The following GOLGA6L9 variants were observed in gnomAD, a reference collection of about 807,000 sequenced individuals.
GOLGA6L9 encodes golgin subfamily A member 6-like protein 9.
GOLGA6L9 carries 19 observed loss-of-function variants against 51.3 expected under a neutral mutation model. The observed-to-expected ratio is 0.37, with a 90% confidence interval of 0.26 to 0.54. The LOEUF (loss-of-function observed/expected upper bound fraction) is 0.54. Ranked by LOEUF, GOLGA6L9 falls within the 20% of genes least tolerant of loss-of-function variation. The probability of loss-of-function intolerance (pLI) is 0.83; values close to 1 mark genes in which losing one functional copy is unlikely to be tolerated. For missense variants in GOLGA6L9, 247 were observed against 464.1 expected, an observed-to-expected ratio of 0.53 and a Z score of 4.30; for synonymous variants, 97 against 184.2, an observed-to-expected ratio of 0.53 and a Z score of 3.83.
At chr15:82,431,712 AGTT>A (rs1364499898) in intron 1 of GOLGA6L9, 115 bp from the exon 2 acceptor site, 194 of 1,189,212 alleles carry the variant, frequency 1.6e-4, no homozygotes, top group Non-Finnish European at 2.1e-4. Flanking sequence ...CACCTTGTAC[AGTT>A]GTTGGTGGCA....
chr15:82,433,243 C>T (rs1489029742), intron 4 of GOLGA6L9, among the ~76,000 whole-genome samples: 1 of 151,760 alleles, frequency 6.6e-6, no homozygotes, highest in Non-Finnish European at 1.5e-5. Context: ...TCTGGACAAG[C>T]CATCTCTCCT....
chr15:82,428,939 G>A (rs1371084847), upstream of GOLGA6L9, among the ~76,000 whole-genome samples: 1 of 151,152 alleles, frequency 6.6e-6, no homozygotes, highest in African/African-American at 2.4e-5. Context: ...GAGAAATTCA[G>A]TTTCATTTGC....
In GOLGA6L9 at chr15:82,429,937, A is replaced by T; in HGVS notation, c.-143A>T. 2 of 994,624 alleles carry T rather than the reference A, an allele frequency of 2.0e-6. No individual in the cohort carries two copies. The highest frequency in any genetic ancestry group is 1.3e-5 in the South Asian group (1 of 78,734). The allele number at this position is 994,624 out of a possible 1,614,324, so 61.6% of individuals were successfully genotyped here. A position where few individuals can be genotyped will look rare whatever the true frequency, so the allele number is the denominator to read the frequency against. On this transcript the variant is annotated 5_prime_UTR_variant, in exon 1 of 9. Coordinates refer to ENST00000618348, the MANE Select transcript of GOLGA6L9 (RefSeq NM_198181.4). ...GCCTCCTTTCCCTTTCATCTTTCTC[A>T]CTGACCAATGGGCTTGGAACATTAA...
chr15:82,430,432 C>T, intron 1 of GOLGA6L9: 1 of 94,450 alleles, frequency 1.1e-5, no homozygotes, highest in Admixed American at 2.2e-4. Flanking sequence ...CCTCCTGCCA[C>T]CCCAAGCCCA....
the GOLGA6L9 span, among the ~76,000 whole-genome samples, chr15:82,418,319 G>C: frequency 2.0e-5 from 3 of 152,174 alleles, no homozygotes; most frequent in Non-Finnish European, 4.4e-5. Flanking sequence ...TACAGCATTT[G>C]GAAGGGTAGG....
Position 82,432,843 on chromosome 15 carries a change from C to G in GOLGA6L9, c.291C>G (p.Ala97=). The G allele has an allele frequency of 6.2e-7, 1 of 1,612,522 alleles. No homozygotes were observed. The highest frequency in any genetic ancestry group is 8.5e-7 in the Non-Finnish European group (1 of 1,179,792). The change falls in exon 4 of 9, where the codon GCC becomes GCG. Residue 97 remains alanine (A), a synonymous_variant. Coordinates refer to ENST00000618348, the MANE Select transcript of GOLGA6L9 (RefSeq NM_198181.4). ...GCCAGTACCAAGAACTAGCAGTAGC[C>G]CTGGATTCAAGCTCCGCAATAATCA... ...LESQYQELAV[A]LDSSSAIISQ...
At chr15:82,433,386 A>C (rs1327526844) in intron 4 of GOLGA6L9, among the ~76,000 whole-genome samples, 176 bp from the exon 5 acceptor site, 1 of 152,022 alleles carries the variant, frequency 6.6e-6, no homozygotes, top group Non-Finnish European at 1.5e-5. Flanking sequence ...GCTGTTTTAT[A>C]TCTCTGCTAT....
chr15:82,434,290 T>G lies in GOLGA6L9; in HGVS notation c.690T>G (p.Arg230=). The G allele has an allele frequency of 6.5e-7, 1 of 1,549,146 alleles. No individual in the cohort carries two copies. The highest frequency in any genetic ancestry group is 8.7e-7 in the Non-Finnish European group (1 of 1,154,632). Residue 230 remains arginine, a synonymous_variant, in exon 6 of 9, where the codon CGT becomes CGG. Transcript: ENST00000618348. ...ERLCEQEERL[R]EQEERLCEQE... The stretch of plus-strand genomic sequence containing the variant: ...TGTGTGAACAGGAGGAGAGGCTACG[T>G]GAACAGGAGGAGAGGCTGTGTGAAC...
chr15:82,436,439 A>T lies in GOLGA6L9; in HGVS notation c.*28A>T. 6.6e-7 allele frequency: 1 copy of T among 1,514,894 alleles called. No homozygotes were observed. Among genetic ancestry groups the T allele is most frequent in the South Asian group, 1.2e-5 (1 of 86,164 alleles). The allele number at this position is 1,514,894 out of a possible 1,614,324, so 93.8% of individuals were successfully genotyped here. ...GCGGGTCAAGAAATTGAAAAAAAAAAACAAAACATTTAAGGGGTTAATATC... is the reference window on the plus strand; with the variant it reads ...GCGGGTCAAGAAATTGAAAAAAAAATACAAAACATTTAAGGGGTTAATATC... On this transcript the variant is annotated 3_prime_UTR_variant, in exon 9 of 9. Coordinates refer to ENST00000618348, the MANE Select transcript of GOLGA6L9 (RefSeq NM_198181.4).
the GOLGA6L9 span, among the ~76,000 whole-genome samples, chr15:82,424,331 C>A: frequency 5.2e-4 from 79 of 151,992 alleles, no homozygotes; most frequent in East Asian, 0.015. Context: ...CTTGGCCTCC[C>A]AGAGTGCTGG....
At chr15:82,427,315 C>G (rs1255865053), upstream of GOLGA6L9, among the ~76,000 whole-genome samples, 1 of 125,814 alleles carries the variant, frequency 7.9e-6, no homozygotes, top group African/African-American at 2.9e-5. Context: ...CCCTCTCTTT[C>G]TTTCCTCTTT....
chr15:82,429,980 G>C lies in GOLGA6L9; in HGVS notation c.-100G>C. ...AACATTAAGGCCACGCCCCTATTCT[G>C]CGTTCCATTGGTGCCCTGGTTACGC... On this transcript the variant is annotated 5_prime_UTR_variant, in exon 1 of 9. Coordinates refer to ENST00000618348, the MANE Select transcript of GOLGA6L9 (RefSeq NM_198181.4). 1.1e-6 allele frequency: 1 copy of C among 949,158 alleles called. No homozygotes were observed. Among genetic ancestry groups the C allele is most frequent in the Non-Finnish European group, 1.7e-6 (1 of 581,010 alleles). The allele number at this position is 949,158 out of a possible 1,614,324, so 58.8% of individuals were successfully genotyped here.
chr15:82,429,681 C>CT (rs1170618719), upstream of GOLGA6L9, among the ~76,000 whole-genome samples: 1 of 152,164 alleles, frequency 6.6e-6, no homozygotes, highest in African/African-American at 2.4e-5. Context: ...ATGAAGACAG[C>CT]TCTGGAGGAA....
chr15:82,424,483 T>C, the GOLGA6L9 span, among the ~76,000 whole-genome samples: 3 of 152,270 alleles, frequency 2.0e-5, no homozygotes, highest in Non-Finnish European at 2.9e-5. Context: ...GATATAGAGA[T>C]GTTGAAGTTT....
At chr15:82,418,232 A>G in the GOLGA6L9 span, among the ~76,000 whole-genome samples, 2 of 152,216 alleles carry the variant, frequency 1.3e-5, no homozygotes, top group Admixed American at 6.5e-5. Context: ...GGTTTAGTCA[A>G]TGCAAGGATG....
At chr15:82,419,721 G>A in the GOLGA6L9 span, among the ~76,000 whole-genome samples, 1 of 152,120 alleles carries the variant, frequency 6.6e-6, no homozygotes, top group East Asian at 1.9e-4. Flanking sequence ...CATTGTGCTT[G>A]GTGCTGAATT....
upstream of GOLGA6L9, among the ~76,000 whole-genome samples, chr15:82,427,320 C>T (rs1283595148): frequency 7.1e-6 from 1 of 141,318 alleles, no homozygotes; most frequent in Non-Finnish European, 1.5e-5. Context: ...TCTTTCTTTC[C>T]TCTTTCTTTT....
At chr15:82,429,058 T>C (rs1248222126), upstream of GOLGA6L9, among the ~76,000 whole-genome samples, 9 of 152,052 alleles carry the variant, frequency 5.9e-5, no homozygotes, top group Non-Finnish European at 1.2e-4. Context: ...TTCCTACTTA[T>C]TTTGTATCTT....
the GOLGA6L9 span, among the ~76,000 whole-genome samples, chr15:82,421,429 T>C: frequency 6.7e-6 from 1 of 148,784 alleles, no homozygotes; most frequent in Non-Finnish European, 1.5e-5. Context: ...ACCCAACATA[T>C]TTGAGAATTG....
Sources: gnomAD v4.1 joint callset for allele counts (sites outside exome capture counted in the v4.1 genomes callset) on GRCh38, gnomAD v4.1.1 for gene constraint, MANE v1.5 for transcripts, NCBI Gene and HGNC (gene_info 2026-07-23, HGNC 2026-07-21) for gene names.